ARHGAP10: variants seen among roughly 807,000 people sequenced by gnomAD.
ARHGAP10 encodes rho GTPase-activating protein 10.
Under a neutral mutation model 108.6 loss-of-function variants are expected in ARHGAP10, and 87 were observed. The observed-to-expected ratio is 0.80, with a 90% CI of 0.67 to 0.96. The LOEUF is 0.96. Among genes scored for constraint, ARHGAP10 ranks in the 40% least tolerant of loss-of-function variants. The probability of loss-of-function intolerance (pLI) is 0.00; values close to 1 mark genes in which losing one functional copy is unlikely to be tolerated. For missense variants in ARHGAP10, 939 were observed against 954.5 expected, an observed-to-expected ratio of 0.98 and a Z score of 0.21; for synonymous variants, 347 against 341.1, an observed-to-expected ratio of 1.02 and a Z score of -0.19.
chr4:148,018,089 T>C (rs1294328677), intron 18 of ARHGAP10, among the ~76,000 whole-genome samples: 1 of 152,134 alleles, frequency 6.6e-6, no homozygotes, highest in Non-Finnish European at 1.5e-5. Context: ...CGTGGAGTGT[T>C]TTTTGTCATT....
chr4:148,034,604 C>A (rs1385048483), intron 19 of ARHGAP10, among the ~76,000 whole-genome samples: 2 of 151,958 alleles, frequency 1.3e-5, no homozygotes, highest in African/African-American at 4.8e-5. Context: ...GCCGGGATTA[C>A]AGGTGTGAGC....
intron 19 of ARHGAP10, among the ~76,000 whole-genome samples, chr4:148,037,225 C>T (rs1223230859): frequency 1.3e-5 from 2 of 152,180 alleles, no homozygotes; most frequent in East Asian, 3.8e-4. Context: ...AAGTCATGCT[C>T]CTTTCCTCAG....
At position 147,902,503 on chromosome 4, in the gene ARHGAP10, C is replaced by T. The variant is rs538238918; in HGVS notation, c.1035-4135C>T. 8.5e-5 allele frequency among the ~76,000 whole-genome samples: 13 copies of T among 152,134 alleles called. No individual in the cohort carries two copies. The South Asian group carries it at 1.5e-3, about 17-fold the overall frequency. ...AGCACTTTAGGAGGCCGAGGTGGGCCGATCACCTTGTCAGGAGTGACCTGG... is the reference window on the plus strand; with the variant it reads ...AGCACTTTAGGAGGCCGAGGTGGGCTGATCACCTTGTCAGGAGTGACCTGG... On this transcript the variant is annotated intron_variant, in intron 10 of 22. Coordinates refer to ENST00000336498, the MANE Select transcript of ARHGAP10 (RefSeq NM_024605.4).
chr4:147,970,674 A>G (rs895336626), intron 18 of ARHGAP10, among the ~76,000 whole-genome samples: 2 of 152,202 alleles, frequency 1.3e-5, no homozygotes, highest in Non-Finnish European at 2.9e-5. Context: ...GAGTTAGAAA[A>G]AGGCTCCTAG....
At chr4:147,766,546 CTGTGTGTGGG>C (rs200756755) in intron 1 of ARHGAP10, among the ~76,000 whole-genome samples, 1,619 of 149,840 alleles carry the variant, frequency 0.011, 34 homozygotes, top group African/African-American at 0.038. Flanking sequence ...GTCTGTATAA[CTGTGTGTGGG>C]TGTGTGTGGG....
At chr4:148,051,471 C>A (rs889665707) in intron 20 of ARHGAP10, among the ~76,000 whole-genome samples, 1 of 152,156 alleles carries the variant, frequency 6.6e-6, no homozygotes, top group African/African-American at 2.4e-5. Context: ...TAAGAAATAT[C>A]GGGCATTGCT....
At chr4:147,847,092 A>AT (rs1733665453) in intron 3 of ARHGAP10, 59 bp from the exon 4 acceptor site, 2 of 1,428,266 alleles carry the variant, frequency 1.4e-6, no homozygotes, top group Non-Finnish European at 1.9e-6. Flanking sequence ...TGAAATACTA[A>AT]TTTTTTCCTT....
intron 16 of ARHGAP10, among the ~76,000 whole-genome samples, chr4:147,961,720 G>A (rs1242259306): frequency 6.6e-6 from 1 of 151,934 alleles, no homozygotes; most frequent in African/African-American, 2.4e-5. Context: ...GTAGAAAGGG[G>A]CTCTCAGTTG....
At chr4:148,055,006 C>T (rs1729301059) in intron 20 of ARHGAP10, among the ~76,000 whole-genome samples, 1 of 152,196 alleles carries the variant, frequency 6.6e-6, no homozygotes, top group Non-Finnish European at 1.5e-5. Flanking sequence ...CCCTAATTTT[C>T]TGAAATGAAG....
intron 22 of ARHGAP10, among the ~76,000 whole-genome samples, chr4:148,068,141 G>A (rs1454925514): frequency 6.6e-6 from 1 of 152,182 alleles, no homozygotes; most frequent in Non-Finnish European, 1.5e-5. Context: ...TGTCTTTCCA[G>A]TCAGGTGCGC....
intron 13 of ARHGAP10, among the ~76,000 whole-genome samples, chr4:147,915,714 C>T (rs1036896873): frequency 4.6e-5 from 7 of 151,836 alleles, no homozygotes; most frequent in Admixed American, 1.3e-4. Flanking sequence ...GAATATTTTT[C>T]CCCCCAAAGG....
Position 148,055,563 on chromosome 4 carries a change from C to T in ARHGAP10, c.2028-7585C>T, listed in dbSNP as rs559149449. 2.6e-5 allele frequency among the ~76,000 whole-genome samples: 4 copies of T among 152,234 alleles called. No homozygotes were observed. In the East Asian group the frequency reaches 5.8e-4, roughly 22 times the overall value. On this transcript the variant is annotated intron_variant, in intron 20 of 22. Coordinates refer to ENST00000336498, the MANE Select transcript of ARHGAP10 (RefSeq NM_024605.4). ...AATTAGCCTGGCATGGTGGTATGCA[C>T]CTGTAATCCCAGCTACTCGGGAGGC...
chr4:148,063,819 G>A (rs1344365683), intron 21 of ARHGAP10, among the ~76,000 whole-genome samples: 1 of 152,212 alleles, frequency 6.6e-6, no homozygotes, highest in African/African-American at 2.4e-5. Context: ...CTAAAAGCAT[G>A]GTTTCCGTCC....
chr4:147,770,203 T>C (rs1411449089), intron 1 of ARHGAP10, among the ~76,000 whole-genome samples: 1 of 152,214 alleles, frequency 6.6e-6, no homozygotes, highest in Non-Finnish European at 1.5e-5. Context: ...GTAGACTTGC[T>C]GATACAGTAG....
At chr4:147,861,073 TC>T (rs1293554443) in intron 5 of ARHGAP10, 1 of 152,266 alleles carries the variant, frequency 6.6e-6, no homozygotes, top group Admixed American at 6.5e-5. Context: ...TGCCTGCTCT[TC>T]CTGGCAGGCT....
intron 18 of ARHGAP10, among the ~76,000 whole-genome samples, chr4:147,994,088 G>A (rs75523766): frequency 6.6e-6 from 1 of 152,342 alleles, no homozygotes; most frequent in Non-Finnish European, 1.5e-5. Context: ...ATTTCGGGCA[G>A]CTAAGCCACA....
chr4:147,918,132 G>T lies in ARHGAP10; in HGVS notation c.1228+4993G>T, dbSNP rs1311110505. Among the ~76,000 whole-genome samples the T allele has an allele frequency of 3.0e-5, 4 of 134,982 alleles. No individual in the cohort carries two copies. In the East Asian group the frequency reaches 9.2e-4, roughly 31 times the overall value. The allele number at this position is 134,982 out of a possible 152,430, so 88.6% of individuals were successfully genotyped here. A position where few individuals can be genotyped will look rare whatever the true frequency, so the allele number is the denominator to read the frequency against. On this transcript the variant is annotated intron_variant, in intron 13 of 22. Coordinates refer to ENST00000336498, the MANE Select transcript of ARHGAP10 (RefSeq NM_024605.4). ...GAAAAATAATTTAAACTCTCATTAA[G>T]ATTTTTTTTTTTTTTTTTTTTGAGA... is the stretch of plus-strand genomic sequence containing the variant.
intron 18 of ARHGAP10, among the ~76,000 whole-genome samples, chr4:148,012,363 G>A (rs1000517093): frequency 6.6e-6 from 1 of 152,126 alleles, no homozygotes; most frequent in African/African-American, 2.4e-5. Context: ...ACCTTTTAAG[G>A]TGCAGGAGCG....
At chr4:147,774,685 A>C (rs921750605) in intron 1 of ARHGAP10, among the ~76,000 whole-genome samples, 2 of 152,204 alleles carry the variant, frequency 1.3e-5, no homozygotes, top group East Asian at 3.8e-4. Context: ...TATAAAATTC[A>C]AATAATGCTT....
Sources: allele counts gnomAD v4.1 joint callset (sites outside exome capture counted in the v4.1 genomes callset), GRCh38; gene constraint gnomAD v4.1.1; transcripts MANE v1.5; gene names NCBI Gene and HGNC (gene_info 2026-07-23, HGNC 2026-07-21).